The following ADAR variants were observed in gnomAD, a reference collection of about 807,000 sequenced individuals.
The protein encoded by ADAR is double-stranded RNA-specific adenosine deaminase.
Under a neutral mutation model 113.2 loss-of-function variants are expected in ADAR, and 41 were observed. The observed-to-expected ratio is 0.36, with a 90% CI of 0.28 to 0.47. ADAR has a LOEUF of 0.47. Among genes scored for constraint, ADAR ranks in the 20% least tolerant of loss-of-function variants. The probability of loss-of-function intolerance (pLI) is 1.00; values close to 1 mark genes in which losing one functional copy is unlikely to be tolerated. For missense variants in ADAR, 1,242 were observed against 1,540.9 expected, an observed-to-expected ratio of 0.81 and a Z score of 3.25; for synonymous variants, 605 against 572.6, an observed-to-expected ratio of 1.06 and a Z score of -0.81.
chr1:154,608,259 C>A (rs1053425637), upstream of ADAR: 2 of 505,400 alleles, frequency 4.0e-6, no homozygotes, highest in African/African-American at 4.1e-5. Context: ...TTGAGCAAAT[C>A]TTGCGCCACG....
chr1:154,594,965 A>T (rs552838671), intron 6 of ADAR, among the ~76,000 whole-genome samples: 2 of 152,378 alleles, frequency 1.3e-5, no homozygotes, highest in Admixed American at 1.3e-4. Context: ...CATGTACTGC[A>T]TAACAGTGTT....
intron 8 of ADAR, 67 bp from the exon 9 acceptor site, chr1:154,589,529 ATTTG>A: frequency 7.0e-7 from 1 of 1,438,496 alleles, no homozygotes; most frequent in Non-Finnish European, 9.8e-7. Context: ...GATGAAGGCT[ATTTG>A]TTCTGAAAGC....
In ADAR at chr1:154,589,783, A is replaced by C; in HGVS notation, c.2642T>G (p.Met881Arg). Residue 881 changes from methionine (M) to arginine (R), a missense_variant, in exon 8 of 15, where the codon ATG (methionine) becomes AGG (arginine). Coordinates refer to ENST00000368474, the MANE Select transcript of ADAR (RefSeq NM_001111.5). ...AIIMKKDSED[M>R]GVVVSLGTGN... is the part of the protein sequence containing the mutation. ...TGTTCCCAAGCTGACGACGACACCC[A>C]TGTCCTCAGAGTCTTTTTTCATAAT... 1 of 1,614,040 alleles carries C rather than the reference A, an allele frequency of 6.2e-7. No homozygotes were observed. Among genetic ancestry groups the C allele is most frequent in the Non-Finnish European group, 8.5e-7 (1 of 1,180,010 alleles).
chr1:154,599,161 T>C (rs1697705683), intron 2 of ADAR, among the ~76,000 whole-genome samples: 1 of 152,174 alleles, frequency 6.6e-6, no homozygotes, highest in South Asian at 2.1e-4. Flanking sequence ...ATTTTCTACA[T>C]AACAAGGAAT....
chr1:154,596,784 A>C (rs1482992091), intron 6 of ADAR, 21 bp downstream of exon 6: 1 of 1,612,190 alleles, frequency 6.2e-7, no homozygotes, highest in Admixed American at 1.7e-5. Flanking sequence ...CACATGCATT[A>C]GCCAGGACTA....
chr1:154,620,126 G>A (rs556624823), intron 1 of ADAR, among the ~76,000 whole-genome samples: 1 of 152,148 alleles, frequency 6.6e-6, no homozygotes, highest in African/African-American at 2.4e-5. Flanking sequence ...AATGGTTTAC[G>A]GGCCAGGCGC....
intron 2 of ADAR, among the ~76,000 whole-genome samples, chr1:154,599,546 T>C (rs1008832711): frequency 1.3e-5 from 2 of 152,120 alleles, no homozygotes; most frequent in East Asian, 1.9e-4. Flanking sequence ...AAATGCCAAA[T>C]TGGTGTCATG....
chr1:154,626,186 C>T (rs1698932685), intron 1 of ADAR, among the ~76,000 whole-genome samples: 1 of 146,320 alleles, frequency 6.8e-6, no homozygotes. Context: ...TGGATATTGG[C>T]TCACTGCAAC....
chr1:154,613,888 G>C (rs1164993059), intron 1 of ADAR, among the ~76,000 whole-genome samples: 2 of 135,962 alleles, frequency 1.5e-5, no homozygotes, highest in Admixed American at 8.1e-5. Flanking sequence ...TGAGCAACAA[G>C]AGCGAAACTC....
intron 6 of ADAR, among the ~76,000 whole-genome samples, chr1:154,595,134 C>T (rs890541484): frequency 4.6e-5 from 7 of 152,302 alleles, no homozygotes; most frequent in South Asian, 2.1e-4. Context: ...GTCCGAGCTC[C>T]GCCTCCTGTG....
At position 154,601,179 on chromosome 1, in the gene ADAR, G is replaced by C. The variant is rs748585963; in HGVS notation, c.1463C>G (p.Pro488Arg). 3.1e-6 allele frequency: 5 copies of C among 1,614,220 alleles called. No homozygotes were observed. The highest frequency in any genetic ancestry group is 4.2e-6 in the Non-Finnish European group (5 of 1,180,034). ...EMPSFYSHGL[P>R]RCSPYKKLTE... ...CAGTTTCTTGTAGGGTGAACACCGT[G>C]GCAAGCCATGACTGTAGAAGGAGGG... Residue 488 changes from proline (P) to arginine (R), a missense_variant, in exon 2 of 15, where the codon CCA becomes CGA. Transcript: ENST00000368474. The surrounding 1 kb of genome is among the most constrained non-coding windows in gnomAD (Gnocchi z 4.7).
chr1:154,619,109 C>CA (rs760326095), intron 1 of ADAR, among the ~76,000 whole-genome samples: 171 of 150,746 alleles, frequency 1.1e-3, no homozygotes, highest in African/African-American at 1.4e-3. Flanking sequence ...GACTCCATCT[C>CA]AAAAAAAAAG....
intron 6 of ADAR, among the ~76,000 whole-genome samples, chr1:154,595,207 GGGATCTAGGCTA>G (rs1274298459): frequency 6.6e-6 from 1 of 152,062 alleles, no homozygotes; most frequent in Non-Finnish European, 1.5e-5. Context: ...GTGAATGCGA[GGGATCTAGGCTA>G]CACGCTCCTT....
In ADAR at chr1:154,586,184, A is replaced by G. The variant is rs758120128; in HGVS notation, c.3199T>C (p.Leu1067=). Residue 1067 remains leucine, a synonymous_variant, in exon 12 of 15, where the codon TTG becomes CTG. Transcript: ENST00000368474. ...LQPIYLKSVT[L]GYLFSQGHLT... ...GATCCCAAGGCAGGCCCCTTACCCA[A>G]TGTGACAGATTTGAGATAAATGGGC... The G allele has an allele frequency of 3.2e-5, 51 of 1,613,990 alleles. No homozygotes were observed. The highest frequency in any genetic ancestry group is 1.2e-4 in the Admixed American group (7 of 60,006).
In ADAR at chr1:154,608,097, C is replaced by T; in HGVS notation, c.-91G>A. 1 of 1,447,952 alleles carries T rather than the reference C, an allele frequency of 6.9e-7. No homozygotes were observed. The highest frequency in any genetic ancestry group is 9.1e-7 in the Non-Finnish European group (1 of 1,098,306). 89.7% of individuals were successfully genotyped at this position (1,447,952 alleles called of 1,614,324 possible). ...GCGCCAGCCCCTCGAGGCCCCCACGCCTCCGCTACTCCGCACTGGAAGTGG... is the reference window on the plus strand; with the variant it reads ...GCGCCAGCCCCTCGAGGCCCCCACGTCTCCGCTACTCCGCACTGGAAGTGG... On this transcript the variant is annotated 5_prime_UTR_variant, in exon 1 of 15. Transcript: ENST00000368474.
intron 6 of ADAR, among the ~76,000 whole-genome samples, chr1:154,595,058 G>C (rs1697405777): frequency 6.6e-6 from 1 of 152,144 alleles, no homozygotes; most frequent in African/African-American, 2.4e-5. Context: ...CAAGTGCAGG[G>C]CTCTGTAACC....
intron 4 of ADAR, among the ~76,000 whole-genome samples, chr1:154,597,623 G>C (rs985299791): frequency 7.2e-5 from 11 of 152,198 alleles, no homozygotes; most frequent in African/African-American, 2.2e-4. Flanking sequence ...AGAGGAGATA[G>C]AGGGTGGGCC....
At chr1:154,589,704 G>C in intron 8 of ADAR, 53 bp downstream of exon 8, 1 of 1,610,352 alleles carries the variant, frequency 6.2e-7, no homozygotes. Context: ...GAGGATGAGA[G>C]GCACCCGCTT....
In ADAR at chr1:154,597,262, T is replaced by G. The variant is rs1180050409; in HGVS notation, c.1940A>C (p.Gln647Pro). The change falls in exon 5 of 15, where the codon CAA becomes CCA. Residue 647 changes from glutamine to proline, a missense_variant. Gln to Pro is a moderately conservative substitution (Grantham distance 76). Transcript: ENST00000368474. ...TTGGGCTCCCACTGCAACACAGTAT[T>G]GGAACCTGACAGGAGATGAAGCACG... ...KEGPAHEPKF[Q>P]YCVAVGAQTF... 6.2e-7 allele frequency: 1 copy of G among 1,614,204 alleles called. No homozygotes were observed. Among genetic ancestry groups the G allele is most frequent in the East Asian group, 2.2e-5 (1 of 44,886 alleles).
Sources: gnomAD v4.1 joint callset for allele counts (sites outside exome capture counted in the v4.1 genomes callset) on GRCh38, gnomAD v4.1.1 for gene constraint, Gnocchi (gnomAD v3.1) non-coding constraint, MANE v1.5 for transcripts, NCBI Gene and HGNC (gene_info 2026-07-23, HGNC 2026-07-21) for gene names.